SCHIP1: variants seen among roughly 807,000 people sequenced by gnomAD.
The protein encoded by SCHIP1 is schwannomin-interacting protein 1.
SCHIP1 carries 8 observed loss-of-function variants against 29.7 expected under a neutral mutation model. The ratio of observed to expected loss-of-function variants is 0.27; its 90% CI spans 0.16 to 0.49. The LOEUF is 0.49. Among genes scored for constraint, SCHIP1 ranks in the 20% least tolerant of loss-of-function variants. The pLI, the probability that SCHIP1 is intolerant of heterozygous loss-of-function variation, is 0.99. For synonymous variants in SCHIP1, 76 were observed against 94.9 expected, an observed-to-expected ratio of 0.80 and a Z score of 1.16; for missense variants, 193 against 294.6, an observed-to-expected ratio of 0.66 and a Z score of 2.52.
At chr3:159,387,842 T>C in the SCHIP1 span, among the ~76,000 whole-genome samples, 1 of 152,160 alleles carries the variant, frequency 6.6e-6, no homozygotes, top group African/African-American at 2.4e-5. Flanking sequence ...TAATACACCA[T>C]CCACATACCA....
intron 2 of SCHIP1, among the ~76,000 whole-genome samples, chr3:159,869,199 C>CT (rs886766183): frequency 6.6e-6 from 1 of 151,934 alleles, no homozygotes; most frequent in Non-Finnish European, 1.5e-5. Flanking sequence ...TTATTTTTCA[C>CT]TTTTTTAATA....
the SCHIP1 span, among the ~76,000 whole-genome samples, chr3:159,751,358 G>T: frequency 1.3e-5 from 2 of 152,142 alleles, no homozygotes; most frequent in Admixed American, 6.5e-5. Context: ...TACAGAAAAA[G>T]TTTGCCAACC....
At chr3:159,335,742 C>T in the SCHIP1 span, among the ~76,000 whole-genome samples, 1 of 152,048 alleles carries the variant, frequency 6.6e-6, no homozygotes, top group East Asian at 1.9e-4. Context: ...CCAGTCTATC[C>T]TTGTTGGAAA....
At chr3:159,738,315 G>A in the SCHIP1 span, among the ~76,000 whole-genome samples, 1 of 151,596 alleles carries the variant, frequency 6.6e-6, no homozygotes, top group African/African-American at 2.4e-5. Flanking sequence ...TAAGCATGTT[G>A]CTCTAAAGTG....
the SCHIP1 span, among the ~76,000 whole-genome samples, chr3:159,822,108 GA>G: frequency 2.0e-5 from 3 of 152,216 alleles, no homozygotes; most frequent in Non-Finnish European, 4.4e-5. Context: ...GTGGGTAACT[GA>G]AATGGCAGAT....
intron 2 of SCHIP1, among the ~76,000 whole-genome samples, chr3:159,884,349 CTGTGTGTGTG>C (rs10661642): frequency 1.6e-4 from 22 of 140,650 alleles, no homozygotes; most frequent in Middle Eastern, 3.6e-3. Context: ...GTGTCTGTGT[CTGTGTGTGTG>C]TGTGTGTGTG....
intron 1 of SCHIP1, among the ~76,000 whole-genome samples, chr3:159,841,166 G>C (rs1452481201): frequency 6.6e-6 from 1 of 152,156 alleles, no homozygotes; most frequent in African/African-American, 2.4e-5. Flanking sequence ...TTTCTCATAA[G>C]GTCAGATTTC....
chr3:159,397,483 G>A, the SCHIP1 span, among the ~76,000 whole-genome samples: 1 of 152,192 alleles, frequency 6.6e-6, no homozygotes, highest in African/African-American at 2.4e-5. Context: ...TGATGGTGAT[G>A]TACAGATGGG....
At chr3:159,407,188 G>A in the SCHIP1 span, among the ~76,000 whole-genome samples, 27 of 151,986 alleles carry the variant, frequency 1.8e-4, no homozygotes, top group African/African-American at 6.5e-4. Flanking sequence ...CAAAAATAAT[G>A]AAAAAATATG....
At chr3:159,850,894 C>G (rs766699384) in intron 1 of SCHIP1, among the ~76,000 whole-genome samples, 3 of 152,190 alleles carry the variant, frequency 2.0e-5, no homozygotes, top group Non-Finnish European at 4.4e-5. Flanking sequence ...TGATTACAAT[C>G]GAACATGAGA....
chr3:159,670,224 A>G, the SCHIP1 span, among the ~76,000 whole-genome samples: 7 of 152,244 alleles, frequency 4.6e-5, no homozygotes, highest in Non-Finnish European at 8.8e-5. Context: ...AAAGTTTGAC[A>G]TAAGATAAGC....
At chr3:159,668,294 G>A in the SCHIP1 span, among the ~76,000 whole-genome samples, 2 of 150,690 alleles carry the variant, frequency 1.3e-5, no homozygotes, top group African/African-American at 2.5e-5. Context: ...GGAGAACGGC[G>A]TGAACCCGGG....
the SCHIP1 span, among the ~76,000 whole-genome samples, chr3:159,818,974 A>G: frequency 6.6e-6 from 1 of 152,244 alleles, no homozygotes; most frequent in Admixed American, 6.5e-5. Context: ...ATTTCTGATC[A>G]TCAGGAATCC....
chr3:159,693,442 G>GA, the SCHIP1 span, among the ~76,000 whole-genome samples: 2 of 152,192 alleles, frequency 1.3e-5, no homozygotes, highest in Non-Finnish European at 2.9e-5. Context: ...CTTGGGTGTA[G>GA]ACCAAGTAGA....
At chr3:159,463,775 C>A in the SCHIP1 span, among the ~76,000 whole-genome samples, 1 of 151,406 alleles carries the variant, frequency 6.6e-6, no homozygotes, top group African/African-American at 2.4e-5. Flanking sequence ...ACACACATAG[C>A]ACAAATAAAG....
intron 6 of SCHIP1, chr3:159,894,101 G>A (rs1390435631): frequency 1.3e-5 from 2 of 152,118 alleles, no homozygotes; most frequent in Non-Finnish European, 2.9e-5. Flanking sequence ...AACCATGTGG[G>A]GAGGCTTATA....
chr3:159,522,273 G>A, the SCHIP1 span, among the ~76,000 whole-genome samples: 1 of 152,140 alleles, frequency 6.6e-6, no homozygotes, highest in African/African-American at 2.4e-5. Flanking sequence ...CAGAAGAAAT[G>A]GGCCTAAGGT....
chr3:159,507,625 T>C, the SCHIP1 span, among the ~76,000 whole-genome samples: 8 of 152,188 alleles, frequency 5.3e-5, no homozygotes, highest in East Asian at 1.2e-3. Context: ...GCTCTTATTA[T>C]TTTGAGATAC....
chr3:159,865,286 A>G (rs965945922), intron 1 of SCHIP1, among the ~76,000 whole-genome samples: 1 of 152,202 alleles, frequency 6.6e-6, no homozygotes, highest in Non-Finnish European at 1.5e-5. Flanking sequence ...TGTTTTTTGT[A>G]GTAGTTTCAT....
Sources: gnomAD v4.1 joint callset for allele counts (sites outside exome capture counted in the v4.1 genomes callset) on GRCh38, gnomAD v4.1.1 for gene constraint, MANE v1.5 for transcripts, NCBI Gene and HGNC (gene_info 2026-07-23, HGNC 2026-07-21) for gene names.